DLGAP2: variants seen among roughly 807,000 people sequenced by gnomAD.
DLGAP2 encodes disks large-associated protein 2.
DLGAP2 carries 26 observed loss-of-function variants against 100.3 expected under a neutral mutation model. The observed-to-expected ratio is 0.26, with a 90% confidence interval of 0.19 to 0.36. The LOEUF (loss-of-function observed/expected upper bound fraction) is 0.36, where lower values mean the gene tolerates loss of function less well. DLGAP2 is among the 10% of genes least tolerant of loss of function. The pLI is 1.00. For missense variants in DLGAP2, 1,858 were observed against 1,453.2 expected, an observed-to-expected ratio of 1.28 and a Z score of -4.53; for synonymous variants, 886 against 630.1, an observed-to-expected ratio of 1.41 and a Z score of -6.08.
rs1178719719 is a variant in DLGAP2 at position 1,706,590 on chromosome 8, C to G, written c.*5184C>G. 1 of 152,190 alleles carries G rather than the reference C, an allele frequency of 6.6e-6. No individual in the cohort carries two copies. The highest frequency in any genetic ancestry group is 1.5e-5 in the Non-Finnish European group (1 of 68,058). The allele number at this position is 152,190 out of a possible 1,614,324, so 9.4% of individuals were successfully genotyped here. ...AAGGGCCATTCTCCTTAGCTTCTGG[C>G]TTTCAACTGTTTCTAGATGCTTCCA... On this transcript the variant is annotated 3_prime_UTR_variant, in exon 15 of 15. Coordinates refer to ENST00000637795, the MANE Select transcript of DLGAP2 (RefSeq NM_001346810.2).
intron 3 of DLGAP2, among the ~76,000 whole-genome samples, chr8:1,368,259 CGTGTGTGCAGGT>C (rs1188936293): frequency 6.6e-6 from 1 of 150,960 alleles, no homozygotes; most frequent in Admixed American, 6.6e-5. Context: ...CATGTGTGTG[CGTGTGTGCAGGT>C]ATGTGTGTAT....
At chr8:847,428 C>G (rs1320881867) in intron 1 of DLGAP2, among the ~76,000 whole-genome samples, 1 of 151,862 alleles carries the variant, frequency 6.6e-6, no homozygotes, top group Non-Finnish European at 1.5e-5. Flanking sequence ...CTTTTTTTCC[C>G]TTCTTTTTCA....
chr8:1,534,355 T>C (rs1248198747), intron 4 of DLGAP2, among the ~76,000 whole-genome samples: 2 of 152,224 alleles, frequency 1.3e-5, no homozygotes, highest in Non-Finnish European at 2.9e-5. Context: ...CAGCTTTCTT[T>C]TGTGCTTTGG....
chr8:1,111,596 C>T (rs1227091576), intron 2 of DLGAP2, among the ~76,000 whole-genome samples: 2 of 152,074 alleles, frequency 1.3e-5, no homozygotes, highest in Non-Finnish European at 2.9e-5. Flanking sequence ...GTGTTCTTCC[C>T]CTCTGTGTGT....
At chr8:1,431,648 C>T (rs1054904374) in intron 3 of DLGAP2, among the ~76,000 whole-genome samples, 4 of 143,858 alleles carry the variant, frequency 2.8e-5, no homozygotes, top group Admixed American at 2.0e-4. Context: ...GGTGATGAGA[C>T]CGGGGCTTGT....
intron 3 of DLGAP2, among the ~76,000 whole-genome samples, chr8:1,444,871 C>A (rs1373679351): frequency 1.4e-5 from 2 of 145,162 alleles, no homozygotes; most frequent in East Asian, 4.1e-4. Context: ...CCACCGTCTT[C>A]CAATTCAGGC....
intron 6 of DLGAP2, among the ~76,000 whole-genome samples, chr8:1,600,360 T>C (rs1014855845): frequency 6.6e-6 from 1 of 152,212 alleles, no homozygotes; most frequent in African/African-American, 2.4e-5. Context: ...TTGGGGTTGC[T>C]CTTCTCAAGG....
At chr8:1,683,954 GTATATATATATATA>G (rs59220880) in intron 12 of DLGAP2, among the ~76,000 whole-genome samples, 32 of 74,734 alleles carry the variant, frequency 4.3e-4, no homozygotes, top group East Asian at 2.7e-3. Flanking sequence ...ATATATGTGT[GTATATATATATATA>G]TATATATATA....
At chr8:1,511,561 T>G (rs1271531064) in intron 4 of DLGAP2, among the ~76,000 whole-genome samples, 31 of 136,696 alleles carry the variant, frequency 2.3e-4, no homozygotes, top group East Asian at 9.0e-4. Flanking sequence ...TGGACGTAAG[T>G]GCTGTCTAGT....
intron 3 of DLGAP2, among the ~76,000 whole-genome samples, chr8:1,333,257 C>T (rs1563088819): frequency 6.6e-6 from 1 of 152,052 alleles, no homozygotes; most frequent in Non-Finnish European, 1.5e-5. Context: ...GGAGCAGAGC[C>T]CATGGTAGGC....
At position 1,678,477 on chromosome 8, in the gene DLGAP2, C is replaced by G. The variant is rs1798864955; in HGVS notation, c.2552C>G (p.Pro851Arg). ...CCCCCTCCAGACCCCTGGCTGGAGC[C>G]CGCCATCGACACGGTAGAGACTGGG... The part of the protein sequence containing the change: ...TLPPPDPWLE[P>R]AIDTVETGRM... The change falls in exon 12 of 15, where the codon CCC (proline) becomes CGC (arginine). Residue 851 changes from proline (P) to arginine (R), a missense_variant. Transcript: ENST00000637795. 19 of 1,613,352 alleles carry G rather than the reference C, an allele frequency of 1.2e-5. No individual in the cohort carries two copies. The highest frequency in any genetic ancestry group is 1.6e-5 in the Non-Finnish European group (19 of 1,179,686).
chr8:1,356,912 G>A (rs979019230), intron 3 of DLGAP2, among the ~76,000 whole-genome samples: 4 of 152,200 alleles, frequency 2.6e-5, no homozygotes, highest in Non-Finnish European at 4.4e-5. Context: ...TGTCTACAGT[G>A]CCCGTGTCTA....
chr8:1,111,350 T>A (rs1043155503), intron 2 of DLGAP2, among the ~76,000 whole-genome samples: 12 of 152,140 alleles, frequency 7.9e-5, no homozygotes, highest in Non-Finnish European at 1.6e-4. Flanking sequence ...TGGGTTCACG[T>A]TCCAGTCCCC....
At chr8:765,877 AC>A (rs2132597569) in intron 1 of DLGAP2, among the ~76,000 whole-genome samples, 1 of 152,146 alleles carries the variant, frequency 6.6e-6, no homozygotes, top group South Asian at 2.1e-4. Context: ...ACACAAACAT[AC>A]CCACATATGG....
intron 3 of DLGAP2, among the ~76,000 whole-genome samples, chr8:1,491,363 T>TGACCCCAGAGGCTTCGGGCCGCTCCCCCC: frequency 6.6e-6 from 1 of 151,720 alleles, no homozygotes; most frequent in Non-Finnish European, 1.5e-5. Flanking sequence ...CCGCTCCCCC[T>TGACCCCAGAGGCTTCGGGCCGCTCCCCCC]GACCCCGGAG....
rs140879995 is a variant in DLGAP2, at chr8:962,855, C to T, written c.73+54889C>T. Among the ~76,000 whole-genome samples, 278 of 152,258 alleles carry T rather than the reference C, an allele frequency of 1.8e-3. 1 individual carries two copies. Among genetic ancestry groups the T allele is most frequent in the Middle Eastern group, 3.4e-3 (1 of 294 alleles). On this transcript the variant is annotated intron_variant, in intron 2 of 14. Coordinates refer to ENST00000637795, the MANE Select transcript of DLGAP2 (RefSeq NM_001346810.2). ...GAGCCTTGGAAACCCTGATGGCCTT[C>T]GTAGGATCCATCTGTGGGTGGCTTT...
intron 1 of DLGAP2, among the ~76,000 whole-genome samples, chr8:809,649 C>G (rs139682726): frequency 5.6e-4 from 85 of 152,234 alleles, no homozygotes; most frequent in African/African-American, 2.0e-3. Context: ...ACGAGTCAAC[C>G]TGACTGAAAT....
intron 2 of DLGAP2, among the ~76,000 whole-genome samples, chr8:1,092,126 C>G (rs1203171071): frequency 2.0e-5 from 3 of 152,162 alleles, no homozygotes; most frequent in Non-Finnish European, 4.4e-5. Context: ...GGTGTCTGCC[C>G]CTTCATACCC....
At chr8:1,053,665 A>C (rs1159772710) in intron 2 of DLGAP2, among the ~76,000 whole-genome samples, 1 of 152,184 alleles carries the variant, frequency 6.6e-6, no homozygotes, top group Non-Finnish European at 1.5e-5. Flanking sequence ...TCCTGGATTT[A>C]ATTGCAAAGG....
Sources: allele counts gnomAD v4.1 joint callset (sites outside exome capture counted in the v4.1 genomes callset), GRCh38; gene constraint gnomAD v4.1.1; transcripts MANE v1.5; gene names NCBI Gene and HGNC (gene_info 2026-07-23, HGNC 2026-07-21).